Variants in NXPE4 observed in about 807,000 individuals in gnomAD.
NXPE4 encodes the protein neurexophilin and PC-esterase domain family member 4.
Under a neutral mutation model 33.3 loss-of-function variants are expected in NXPE4, and 42 were observed. That is an observed-to-expected ratio of 1.26 (90% CI 0.98 to 1.63). The LOEUF is 1.63. NXPE4 is among the 40% of genes most tolerant of loss of function. NXPE4 has a pLI of 0.00. For missense variants in NXPE4, 709 were observed against 647.6 expected (o/e 1.09, Z -1.03); for synonymous variants, 253 against 234.9 (o/e 1.08, Z -0.71).
chr11:114,607,619 C>G, the NXPE4 span, among the ~76,000 whole-genome samples: 2 of 150,874 alleles, frequency 1.3e-5, no homozygotes, highest in Non-Finnish European at 3.0e-5. Context: ...CCAGTGTTAC[C>G]CGGTGGATAA....
chr11:114,614,458 C>T, the NXPE4 span, among the ~76,000 whole-genome samples: 18 of 148,044 alleles, frequency 1.2e-4, no homozygotes, highest in South Asian at 3.1e-3. Context: ...CACTGTTACC[C>T]GCTGGATGAC....
At chr11:114,666,970 C>A in the NXPE4 span, among the ~76,000 whole-genome samples, 1 of 152,108 alleles carries the variant, frequency 6.6e-6, no homozygotes, top group Admixed American at 6.6e-5. Context: ...CACCCATAGC[C>A]CTCAGAAACA....
At chr11:114,578,541 A>G (rs1949066061) in intron 5 of NXPE4, among the ~76,000 whole-genome samples, 1 of 152,144 alleles carries the variant, frequency 6.6e-6, no homozygotes. Context: ...TCTTCCTTCC[A>G]TTGAGAATTT....
the NXPE4 span, among the ~76,000 whole-genome samples, chr11:114,664,896 G>C: frequency 3.9e-5 from 6 of 152,146 alleles, no homozygotes; most frequent in Non-Finnish European, 5.9e-5. Context: ...ATTTTGCCCA[G>C]CTGTTGGCTA....
the NXPE4 span, among the ~76,000 whole-genome samples, chr11:114,632,636 T>A: frequency 1.0e-5 from 1 of 98,610 alleles, no homozygotes; most frequent in Non-Finnish European, 1.8e-5. Context: ...ATATAATAAA[T>A]GTAAATAATA....
upstream of NXPE4, among the ~76,000 whole-genome samples, chr11:114,597,521 T>C (rs1949588108): frequency 6.6e-6 from 1 of 152,242 alleles, no homozygotes; most frequent in Admixed American, 6.5e-5. Context: ...TATGCATTTT[T>C]ATGCATACAT....
the NXPE4 span, among the ~76,000 whole-genome samples, chr11:114,653,044 T>C: frequency 6.6e-6 from 1 of 152,220 alleles, no homozygotes; most frequent in Non-Finnish European, 1.5e-5. Context: ...GAACTCATCA[T>C]TATATATTCC....
the NXPE4 span, among the ~76,000 whole-genome samples, chr11:114,676,042 T>C: frequency 1.3e-5 from 2 of 151,948 alleles, no homozygotes; most frequent in Admixed American, 6.6e-5. Context: ...GAACTGCATA[T>C]CCACATGTGG....
chr11:114,651,805 C>G, the NXPE4 span, among the ~76,000 whole-genome samples: 1 of 152,192 alleles, frequency 6.6e-6, no homozygotes, highest in Admixed American at 6.5e-5. Flanking sequence ...ACACAGAGTG[C>G]TGATTGGTGC....
the NXPE4 span, among the ~76,000 whole-genome samples, chr11:114,665,813 C>A: frequency 1.3e-5 from 2 of 152,170 alleles, no homozygotes; most frequent in South Asian, 4.1e-4. Flanking sequence ...CCCTTCCTAT[C>A]ACATTACTGT....
At chr11:114,571,683 C>G (rs1022007053) in intron 5 of NXPE4, among the ~76,000 whole-genome samples, 2 of 152,190 alleles carry the variant, frequency 1.3e-5, no homozygotes, top group Admixed American at 1.3e-4. Context: ...GGATAGGAGG[C>G]AGGACTAGCT....
the NXPE4 span, among the ~76,000 whole-genome samples, chr11:114,615,265 T>A: frequency 6.6e-6 from 1 of 150,960 alleles, no homozygotes; most frequent in Admixed American, 6.6e-5. Flanking sequence ...TATAAGTATT[T>A]CCTTGTGGGT....
the NXPE4 span, among the ~76,000 whole-genome samples, chr11:114,626,354 G>A: frequency 6.6e-6 from 1 of 152,242 alleles, no homozygotes. Flanking sequence ...GCCTCCTCAA[G>A]TGGGTCCCTG....
intron 5 of NXPE4, among the ~76,000 whole-genome samples, chr11:114,571,740 C>G (rs1809217905): frequency 6.6e-6 from 1 of 152,164 alleles, no homozygotes; most frequent in South Asian, 2.1e-4. Context: ...AGACTCACAT[C>G]ATGAACTTCT....
intron 2 of NXPE4, among the ~76,000 whole-genome samples, chr11:114,585,884 A>G (rs1350130639): frequency 6.6e-6 from 1 of 152,184 alleles, no homozygotes; most frequent in Non-Finnish European, 1.5e-5. Flanking sequence ...AGGGCCAGGC[A>G]TGTTCAACAT....
the NXPE4 span, among the ~76,000 whole-genome samples, chr11:114,662,222 G>T: frequency 7.4e-6 from 1 of 135,224 alleles, no homozygotes. Flanking sequence ...GTGTTTCTGT[G>T]CACTGGGGAG....
the NXPE4 span, among the ~76,000 whole-genome samples, chr11:114,615,473 C>T: frequency 4.6e-5 from 7 of 151,958 alleles, no homozygotes; most frequent in Admixed American, 1.3e-4. Flanking sequence ...ATAAGTATTG[C>T]TTCGTGGGTA....
the NXPE4 span, among the ~76,000 whole-genome samples, chr11:114,603,422 TA>T: frequency 1.3e-5 from 2 of 151,426 alleles, no homozygotes; most frequent in Non-Finnish European, 2.9e-5. Flanking sequence ...GGATGATAAG[TA>T]TTGCCTCGTC....
In NXPE4 at chr11:114,575,377, G is replaced by A. The variant is rs192571645; in HGVS notation, c.1100-3904C>T. Among the ~76,000 whole-genome samples, 323 of 152,044 alleles carry A rather than the reference G, an allele frequency of 2.1e-3. 1 individual carries two copies. Among genetic ancestry groups the A allele is most frequent in the African/African-American group, 6.7e-3 (277 of 41,526 alleles). On this transcript the variant is annotated intron_variant, in intron 5 of 5. Transcript: ENST00000375478. ...CAAAAGGAAGAAATAAAGGACATCC[G>A]AATTGGTAAAGAGGAAGTCAAACTG... is the stretch of plus-strand genomic sequence containing the variant.
Sources: gnomAD v4.1 joint callset for allele counts (sites outside exome capture counted in the v4.1 genomes callset) on GRCh38, gnomAD v4.1.1 for gene constraint, MANE v1.5 for transcripts, NCBI Gene and HGNC (gene_info 2026-07-23, HGNC 2026-07-21) for gene names.